DLG1: variants seen among roughly 807,000 people sequenced by gnomAD.
DLG1 encodes discs large MAGUK scaffold protein 1.
A neutral mutation model predicts 123.4 loss-of-function variants in DLG1; 42 were observed. The observed-to-expected ratio is 0.34, with a 90% CI of 0.27 to 0.44. The LOEUF (loss-of-function observed/expected upper bound fraction) is 0.44. Ranked by LOEUF, DLG1 falls within the 20% of genes least tolerant of loss-of-function variation. The pLI is 1.00. For synonymous variants in DLG1, 317 were observed against 356.2 expected (o/e 0.89, Z 1.24); for missense variants, 942 against 1,082.6 (o/e 0.87, Z 1.82).
At chr3:197,211,443 A>G (rs1397679983) in intron 4 of DLG1, among the ~76,000 whole-genome samples, 1 of 146,634 alleles carries the variant, frequency 6.8e-6, no homozygotes, top group Non-Finnish European at 1.5e-5. Context: ...CTAAACCGCC[A>G]CAATCAAGTA....
chr3:197,081,891 A>C (rs1259158858), intron 16 of DLG1, among the ~76,000 whole-genome samples: 6 of 152,358 alleles, frequency 3.9e-5, no homozygotes, highest in African/African-American at 1.4e-4. Flanking sequence ...ACACTAATGT[A>C]AATCTTGCAA....
At chr3:197,195,323 T>A (rs537249267) in intron 4 of DLG1, among the ~76,000 whole-genome samples, 50 of 152,084 alleles carry the variant, frequency 3.3e-4, no homozygotes, top group African/African-American at 1.1e-3. Flanking sequence ...AAAGTGATAT[T>A]TTTTTAAAAA....
intron 4 of DLG1, among the ~76,000 whole-genome samples, chr3:197,198,662 A>G (rs1723974008): frequency 6.6e-6 from 1 of 152,192 alleles, no homozygotes; most frequent in African/African-American, 2.4e-5. Flanking sequence ...ACAGCCAATA[A>G]GCACATGGAA....
At chr3:197,190,887 G>C (rs1234288256) in intron 5 of DLG1, among the ~76,000 whole-genome samples, 2 of 152,172 alleles carry the variant, frequency 1.3e-5, no homozygotes, top group Non-Finnish European at 2.9e-5. Context: ...GCGGGCGCCT[G>C]TAGTCCCAGC....
chr3:197,291,380 T>C (rs912854879), intron 3 of DLG1, among the ~76,000 whole-genome samples: 7 of 151,834 alleles, frequency 4.6e-5, no homozygotes, highest in African/African-American at 1.5e-4. Flanking sequence ...GTGGGACTAA[T>C]ATAATGCAAA....
At chr3:197,159,720 T>C (rs753698920) in intron 5 of DLG1, among the ~76,000 whole-genome samples, 2 of 152,212 alleles carry the variant, frequency 1.3e-5, no homozygotes, top group Non-Finnish European at 2.9e-5. Flanking sequence ...TTCTGGAAAA[T>C]GAGGTGCACT....
intron 5 of DLG1, among the ~76,000 whole-genome samples, chr3:197,170,962 T>C (rs1803893219): frequency 6.6e-6 from 1 of 152,224 alleles, no homozygotes; most frequent in Non-Finnish European, 1.5e-5. Flanking sequence ...AGCAAATCTT[T>C]TGGTACCAAT....
At chr3:197,297,559 G>C (rs1301845694) in intron 1 of DLG1, 1 of 1,069,200 alleles carries the variant, frequency 9.4e-7, no homozygotes, top group African/African-American at 1.7e-5. Context: ...ACTGGGTACG[G>C]GCGGGTGAAG....
chr3:197,185,725 C>T (rs1029653102), intron 5 of DLG1, among the ~76,000 whole-genome samples: 1 of 152,140 alleles, frequency 6.6e-6, no homozygotes, highest in African/African-American at 2.4e-5. Context: ...CTGATGAAAA[C>T]TTCAAGGGGA....
Position 197,077,358 on chromosome 3 carries a change from G to A in DLG1, c.1906-673C>T, listed in dbSNP as rs553253970. Among the ~76,000 whole-genome samples, 6 of 152,188 alleles carry A rather than the reference G, an allele frequency of 3.9e-5. No individual in the cohort carries two copies. In the South Asian group the frequency reaches 1.2e-3, roughly 32 times the overall value. ...ATCAAGCACACAGAGTCCAGCAAGAGACTTATCAATGCCATCTCTTAGCCA... is the reference window on the plus strand; with the variant it reads ...ATCAAGCACACAGAGTCCAGCAAGAAACTTATCAATGCCATCTCTTAGCCA... On this transcript the variant is annotated intron_variant, in intron 17 of 24. Transcript: ENST00000667157.
At chr3:197,183,460 A>T in intron 5 of DLG1, 2 of 925,330 alleles carry the variant, frequency 2.2e-6, no homozygotes, top group Non-Finnish European at 3.2e-6. Flanking sequence ...ATACATTTCT[A>T]CACATCCAAG....
intron 17 of DLG1, among the ~76,000 whole-genome samples, chr3:197,079,500 T>C (rs143340322): frequency 1.2e-3 from 183 of 152,326 alleles, no homozygotes; most frequent in African/African-American, 3.9e-3. Context: ...CTGTATAAAG[T>C]TGGTTACAGT....
At chr3:197,219,784 G>A (rs1735999732) in intron 4 of DLG1, among the ~76,000 whole-genome samples, 2 of 152,126 alleles carry the variant, frequency 1.3e-5, no homozygotes, top group Admixed American at 1.3e-4. Flanking sequence ...GCAGTAAGAA[G>A]GTGGCCATCT....
chr3:197,153,263 T>A (rs1390414471), intron 5 of DLG1, among the ~76,000 whole-genome samples: 2 of 152,018 alleles, frequency 1.3e-5, no homozygotes, highest in Non-Finnish European at 2.9e-5. Context: ...GAAGGTAGAG[T>A]AGGAAGCACC....
rs150153622 is a variant in DLG1 at position 197,047,844 on chromosome 3, G to A, written c.2576-3115C>T. On this transcript the variant is annotated intron_variant, in intron 24 of 24. Coordinates refer to ENST00000667157, the MANE Select transcript of DLG1 (RefSeq NM_001366207.1). The stretch of plus-strand genomic sequence containing the variant: ...TAGAAGAAAACACAGGGAAAAAAGC[G>A]CCTTCACACTGGTCTTGGATGATTT... Among the ~76,000 whole-genome samples, 1,149 of 152,166 alleles carry A rather than the reference G, an allele frequency of 7.6e-3. 13 individuals are homozygous for A. The highest frequency in any genetic ancestry group is 0.024 in the African/African-American group (1,014 of 41,518).
chr3:197,246,690 A>G (rs1333165186), intron 4 of DLG1, among the ~76,000 whole-genome samples: 1 of 152,212 alleles, frequency 6.6e-6, no homozygotes, highest in Non-Finnish European at 1.5e-5. Flanking sequence ...GTTTGCGTTA[A>G]TGAAAAGGTG....
At chr3:197,142,165 C>CTA (rs1788375989) in intron 7 of DLG1, among the ~76,000 whole-genome samples, 1 of 152,110 alleles carries the variant, frequency 6.6e-6, no homozygotes, top group Non-Finnish European at 1.5e-5. Context: ...GACCATGTTA[C>CTA]TAGTATACTA....
intron 24 of DLG1, among the ~76,000 whole-genome samples, chr3:197,050,134 G>A (rs1272027228): frequency 2.6e-5 from 4 of 152,082 alleles, no homozygotes; most frequent in Non-Finnish European, 1.5e-5. Flanking sequence ...TTGGGAGGCC[G>A]AGTCGGGTGG....
chr3:197,269,417 T>TA (rs979162130), intron 4 of DLG1, among the ~76,000 whole-genome samples: 4 of 152,322 alleles, frequency 2.6e-5, no homozygotes, highest in African/African-American at 9.6e-5. Context: ...ATAGCTTTTT[T>TA]AAAAAAATAA....
Sources: allele counts gnomAD v4.1 joint callset (sites outside exome capture counted in the v4.1 genomes callset), GRCh38; gene constraint gnomAD v4.1.1; transcripts MANE v1.5; gene names NCBI Gene and HGNC (gene_info 2026-07-23, HGNC 2026-07-21).